Variants in HEY2 observed in about 807,000 individuals in gnomAD.
HEY2 encodes the protein hes related family bHLH transcription factor with YRPW motif 2, also known as hairy/enhancer-of-split related with YRPW motif protein 2.
Under a neutral mutation model 18.1 loss-of-function variants are expected in HEY2, and 10 were observed. That is an observed-to-expected ratio of 0.55 (90% CI 0.34 to 0.94). The LOEUF (loss-of-function observed/expected upper bound fraction) is 0.94, where lower values mean the gene tolerates loss of function less well. HEY2 is among the 40% of genes least tolerant of loss of function. HEY2 has a pLI of 0.02. For missense variants in HEY2, 455 were observed against 455.9 expected, an observed-to-expected ratio of 1.00 and a Z score of 0.02; for synonymous variants, 210 against 182.7, an observed-to-expected ratio of 1.15 and a Z score of -1.21.
intron 3 of HEY2, 38 bp from the exon 4 acceptor site, chr6:125,754,427 G>C: frequency 7.9e-7 from 1 of 1,259,796 alleles, no homozygotes; most frequent in Non-Finnish European, 1.1e-6. Flanking sequence ...AGTTTCTGTA[G>C]GACATAGGAT....
At chr6:125,757,057 A>G (rs1038759421) in intron 4 of HEY2, among the ~76,000 whole-genome samples, 3 of 152,228 alleles carry the variant, frequency 2.0e-5, no homozygotes, top group Non-Finnish European at 4.4e-5. Flanking sequence ...TTACTTCATG[A>G]CCAGTAATGA....
At position 125,759,230 on chromosome 6, in the gene HEY2, C is replaced by G. The variant is rs763694079; in HGVS notation, c.442C>G (p.Pro148Ala). 3.1e-6 allele frequency: 5 copies of G among 1,612,096 alleles called. No homozygotes were observed. Among genetic ancestry groups the G allele is most frequent in the Non-Finnish European group, 8.5e-7 (1 of 1,180,014 alleles). Residue 148 changes from proline to alanine, a missense_variant, in exon 5 of 5, where the codon CCG becomes GCG. Transcript: ENST00000368364. ...CGTGGAAGGCCTGGACTCCTCGGAT[C>G]CGCTGCGGGTGCGGCTTGTGTCTCA... ...SSVEGLDSSD[P>A]LRVRLVSHLS...
chr6:125,755,377 A>G (rs1773634686), intron 4 of HEY2, among the ~76,000 whole-genome samples: 1 of 152,236 alleles, frequency 6.6e-6, no homozygotes, highest in Non-Finnish European at 1.5e-5. Context: ...CCTTCAAAGA[A>G]TCCTTTGATA....
intron 4 of HEY2, among the ~76,000 whole-genome samples, chr6:125,756,962 G>A (rs1322485692): frequency 6.6e-6 from 1 of 152,172 alleles, no homozygotes; most frequent in African/African-American, 2.4e-5. Context: ...CAATAGGATA[G>A]GAATTGCATA....
chr6:125,758,021 A>G, intron 4 of HEY2, among the ~76,000 whole-genome samples: 1 of 152,244 alleles, frequency 6.6e-6, no homozygotes. Flanking sequence ...CACATCCCCA[A>G]AATGAATAGA....
intron 4 of HEY2, among the ~76,000 whole-genome samples, chr6:125,755,704 T>C (rs1242152999): frequency 6.6e-6 from 1 of 152,222 alleles, no homozygotes; most frequent in African/African-American, 2.4e-5. Flanking sequence ...ATGGGTTGAC[T>C]TTTCCCAGAT....
chr6:125,757,351 TG>T (rs1229735151), intron 4 of HEY2, among the ~76,000 whole-genome samples: 1 of 152,264 alleles, frequency 6.6e-6, no homozygotes, highest in East Asian at 1.9e-4. Context: ...AGGCTCTGTT[TG>T]TTAACTATGT....
chr6:125,756,333 C>G (rs534847445), intron 4 of HEY2, among the ~76,000 whole-genome samples: 4 of 151,786 alleles, frequency 2.6e-5, no homozygotes, highest in African/African-American at 4.8e-5. Flanking sequence ...TTTGGGAGGC[C>G]GAGGTGGGCG....
rs752951358 is a variant in HEY2, at chr6:125,759,814, A to G, written c.*12A>G. ...TTGGAGCTTTTTAAATTTTTCTTGA[A>G]CTTCTTGCAATAGTAACTGAATGTC... On this transcript the variant is annotated 3_prime_UTR_variant, in exon 5 of 5. Coordinates refer to ENST00000368364, the MANE Select transcript of HEY2 (RefSeq NM_012259.3). 6 of 1,607,416 alleles carry G rather than the reference A, an allele frequency of 3.7e-6. No homozygotes were observed. Among genetic ancestry groups the G allele is most frequent in the East Asian group, 2.2e-5 (1 of 44,860 alleles).
chr6:125,749,838 G>A lies in HEY2; in HGVS notation c.62G>A (p.Gly21Glu), dbSNP rs1391395494. The change falls in exon 1 of 5, where the codon GGG (glycine) becomes GAG (glutamate). Residue 21 changes from glycine (G) to glutamate (E), a missense_variant. Physicochemically the swap from Gly to Glu is moderately conservative, Grantham distance 98. Coordinates refer to ENST00000368364, the MANE Select transcript of HEY2 (RefSeq NM_012259.3). Reference sequence around the variant, plus strand: ...GACATGGACGAGACCATCGACGTGGGGAGCGAGAACAATTACTCGGGGTGA... The same window carrying A: ...GACATGGACGAGACCATCGACGTGGAGAGCGAGAACAATTACTCGGGGTGA... Reference protein sequence around the residue: ...ESDMDETIDVGSENNYSGQST... With the variant: ...ESDMDETIDVESENNYSGQST... The A allele has an allele frequency of 6.3e-6, 10 of 1,582,742 alleles. No individual in the cohort carries two copies. The highest frequency in any genetic ancestry group is 2.3e-5 in the South Asian group (2 of 86,224).
intron 3 of HEY2, among the ~76,000 whole-genome samples, chr6:125,753,890 T>A (rs1175050879): frequency 1.3e-5 from 2 of 152,216 alleles, no homozygotes; most frequent in Non-Finnish European, 2.9e-5. Context: ...GTCGTCCTTT[T>A]TAAAATTTTT....
intron 1 of HEY2, among the ~76,000 whole-genome samples, chr6:125,751,247 A>G (rs566998395): frequency 4.6e-5 from 7 of 152,278 alleles, no homozygotes; most frequent in East Asian, 3.9e-4. Flanking sequence ...AAGTTTGTCA[A>G]TTTTTTCCTG....
Position 125,752,103 on chromosome 6 carries a change from C to T in HEY2, c.246+13C>T. The T allele has an allele frequency of 6.3e-7, 1 of 1,578,404 alleles. No individual in the cohort carries two copies. Among genetic ancestry groups the T allele is most frequent in the Non-Finnish European group, 8.7e-7 (1 of 1,151,346 alleles). ...TTTTGAAAAACAAGTAAGCTATCCCCTCCCCAGAATCCCCCCACCCACCCC... is the reference window on the plus strand; with the variant it reads ...TTTTGAAAAACAAGTAAGCTATCCCTTCCCCAGAATCCCCCCACCCACCCC... On this transcript the variant is annotated intron_variant, in intron 3 of 4. Coordinates refer to ENST00000368364, the MANE Select transcript of HEY2 (RefSeq NM_012259.3).
chr6:125,750,282 T>G (rs1773517399), intron 1 of HEY2: 1 of 985,146 alleles, frequency 1.0e-6, no homozygotes, highest in Admixed American at 6.1e-5. Context: ...CACAACTTGA[T>G]TTTTGGAGGA....
intron 1 of HEY2, chr6:125,750,152 C>T (rs1773513605): frequency 1.4e-6 from 1 of 714,638 alleles, no homozygotes; most frequent in Non-Finnish European, 1.7e-6. Context: ...GACGCGCGAA[C>T]GGCAGCGTCT....
intron 3 of HEY2, among the ~76,000 whole-genome samples, chr6:125,752,461 T>A (rs973554346): frequency 4.7e-5 from 7 of 149,876 alleles, no homozygotes; most frequent in African/African-American, 1.7e-4. Flanking sequence ...TTTCTCAAAA[T>A]TTTTTTAAAA....
At chr6:125,750,243 T>G (rs1773516001) in intron 1 of HEY2, 3 of 984,894 alleles carry the variant, frequency 3.0e-6, no homozygotes, top group Non-Finnish European at 3.6e-6. Flanking sequence ...AAAAACAATT[T>G]GATTTTTGAT....
chr6:125,755,694 A>G (rs1033844750), intron 4 of HEY2, among the ~76,000 whole-genome samples: 13 of 152,226 alleles, frequency 8.5e-5, no homozygotes, highest in Non-Finnish European at 1.5e-4. Flanking sequence ...AGAAGCCCCA[A>G]TGGGTTGACT....
chr6:125,751,846 A>G lies in HEY2; in HGVS notation c.129A>G (p.Thr43=). 1.5e-5 allele frequency: 25 copies of G among 1,613,586 alleles called. No individual in the cohort carries two copies. The highest frequency in any genetic ancestry group is 2.1e-5 in the Non-Finnish European group (25 of 1,179,582). Reference sequence around the variant, plus strand: ...TTAGATTGAATTCTCCAACAACAACATCTCAGATTATGGCAAGAAAGAAAA... The same window carrying G: ...TTAGATTGAATTCTCCAACAACAACGTCTCAGATTATGGCAAGAAAGAAAA... ...SVIRLNSPTT[T]SQIMARKKRR... is the part of the protein sequence containing the mutation. The change falls in exon 2 of 5, where the codon ACA becomes ACG. Residue 43 remains threonine (T), a synonymous_variant. Coordinates refer to ENST00000368364, the MANE Select transcript of HEY2 (RefSeq NM_012259.3).
Sources: gnomAD v4.1 joint callset for allele counts (sites outside exome capture counted in the v4.1 genomes callset) on GRCh38, gnomAD v4.1.1 for gene constraint, MANE v1.5 for transcripts, NCBI Gene and HGNC (gene_info 2026-07-23, HGNC 2026-07-21) for gene names.